Variants in PCDHA3 observed in about 807,000 individuals in gnomAD.
PCDHA3 encodes protocadherin alpha 3.
In PCDHA3, 41 loss-of-function variants were observed where a neutral mutation model predicts 62.2. The observed-to-expected ratio is 0.66, with a 90% CI of 0.51 to 0.86. The LOEUF is 0.86. PCDHA3 is among the 40% of genes least tolerant of loss of function. The probability of loss-of-function intolerance (pLI) is 0.00; values close to 1 mark genes in which losing one functional copy is unlikely to be tolerated. For missense variants in PCDHA3, 1,304 were observed against 1,241.2 expected, an observed-to-expected ratio of 1.05 and a Z score of -0.76; for synonymous variants, 640 against 555.4, an observed-to-expected ratio of 1.15 and a Z score of -2.14.
Position 140,930,862 on chromosome 5 carries a change from GGT to G in PCDHA3, c.2395-48086_2395-48085del, listed in dbSNP as rs1554208154. On this transcript the variant is annotated intron_variant, in intron 1 of 3. Coordinates refer to ENST00000522353, the MANE Select transcript of PCDHA3 (RefSeq NM_018906.3). Reference sequence around the variant, plus strand: ...AAATATGTGCATATATGAATTGGATGGTAACACTGTTCAACACAGAGGGAAAA... The same window carrying G: ...AAATATGTGCATATATGAATTGGATGAACACTGTTCAACACAGAGGGAAAA... 5.3e-3 allele frequency among the ~76,000 whole-genome samples: 803 copies of G among 152,226 alleles called. 3 individuals carry two copies. Among genetic ancestry groups the G allele is most frequent in the Non-Finnish European group, 8.4e-3 (568 of 67,990 alleles).
Position 140,857,571 on chromosome 5 carries a change from C to G in PCDHA3, c.2394+53980C>G, listed in dbSNP as rs782707848. 16 of 1,596,746 alleles carry G rather than the reference C, an allele frequency of 1.0e-5. 2 individuals are homozygous for G. Among genetic ancestry groups the G allele is most frequent in the East Asian group, 2.2e-5 (1 of 44,820 alleles). ...GAGCGCTCGCTGTCGAGCTACGTGT[C>G]GGTGCACGCGGAGAGCGGCAAGGTG... On this transcript the variant is annotated intron_variant, in intron 1 of 3. Transcript: ENST00000522353.
chr5:140,911,792 T>C (rs1429471693), intron 1 of PCDHA3, among the ~76,000 whole-genome samples: 1 of 152,190 alleles, frequency 6.6e-6, no homozygotes, highest in Non-Finnish European at 1.5e-5. Context: ...TTTTTGGGTC[T>C]AATCATATTA....
intron 1 of PCDHA3, chr5:140,806,858 A>G: frequency 3.1e-6 from 1 of 327,838 alleles, no homozygotes; most frequent in Non-Finnish European, 5.6e-6. Context: ...AATCAGTGGT[A>G]CAATGTGTAC....
chr5:140,980,724 T>G (rs2096903192), intron 2 of PCDHA3, among the ~76,000 whole-genome samples: 1 of 152,176 alleles, frequency 6.6e-6, no homozygotes, highest in Non-Finnish European at 1.5e-5. Flanking sequence ...GGGTTTCAAT[T>G]AAGATATTAT....
chr5:140,877,135 G>C, intron 1 of PCDHA3: 1 of 1,613,790 alleles, frequency 6.2e-7, no homozygotes, highest in Non-Finnish European at 8.5e-7. Flanking sequence ...GCAGGTGTTC[G>C]TGCTGGACGA....
Position 140,836,245 on chromosome 5 carries a change from C to G in PCDHA3, c.2394+32654C>G, listed in dbSNP as rs199869403. ...CCGGTGGCGGCCGGTGCGAGCATCCCGTTCCGCGTGGGGCTGTACACTGGT... is the reference window on the plus strand; with the variant it reads ...CCGGTGGCGGCCGGTGCGAGCATCCGGTTCCGCGTGGGGCTGTACACTGGT... On this transcript the variant is annotated intron_variant, in intron 1 of 3. Coordinates refer to ENST00000522353, the MANE Select transcript of PCDHA3 (RefSeq NM_018906.3). 11 of 1,613,768 alleles carry G rather than the reference C, an allele frequency of 6.8e-6. No individual in the cohort carries two copies. The Admixed American group carries it at 1.0e-4, about 15-fold the overall frequency.
intron 1 of PCDHA3, chr5:140,836,653 G>C (rs2150266924): frequency 6.2e-7 from 1 of 1,613,508 alleles, no homozygotes; most frequent in East Asian, 2.2e-5. Context: ...AGGCGGCAGA[G>C]GGTGTGCTCT....
intron 1 of PCDHA3, among the ~76,000 whole-genome samples, chr5:140,889,975 T>A (rs2062445806): frequency 6.6e-6 from 1 of 152,182 alleles, no homozygotes; most frequent in African/African-American, 2.4e-5. Flanking sequence ...CTATCCAGTC[T>A]CCAGTTGTCT....
At position 140,992,594 on chromosome 5, in the gene PCDHA3, G is replaced by T. The variant is rs782416770; in HGVS notation, c.2542+10031G>T. On this transcript the variant is annotated intron_variant, in intron 3 of 3. Coordinates refer to ENST00000522353, the MANE Select transcript of PCDHA3 (RefSeq NM_018906.3). ...ATTGCCTGCCTTGTATGCATCTAGC[G>T]TCTGTGTCTAAGTGAAAGCAGATTA... Among the ~76,000 whole-genome samples, 5 of 152,266 alleles carry T rather than the reference G, an allele frequency of 3.3e-5. No individual in the cohort carries two copies. The East Asian group carries it at 7.7e-4, about 24-fold the overall frequency.
intron 1 of PCDHA3, among the ~76,000 whole-genome samples, chr5:140,889,313 T>G (rs1554183863): frequency 6.6e-6 from 1 of 152,078 alleles, no homozygotes; most frequent in Non-Finnish European, 1.5e-5. Flanking sequence ...ACTGTTGAAG[T>G]TATCTGTATC....
At chr5:140,861,726 T>C (rs571512824) in intron 1 of PCDHA3, 11 of 216,910 alleles carry the variant, frequency 5.1e-5, no homozygotes, top group African/African-American at 2.6e-4. Flanking sequence ...AATGCTCTGA[T>C]GACTTACATA....
At chr5:140,834,215 T>A (rs1425160106) in intron 1 of PCDHA3, 2 of 654,798 alleles carry the variant, frequency 3.1e-6, no homozygotes, top group Non-Finnish European at 5.1e-6. Flanking sequence ...TCTTTCGTAA[T>A]CAGCAAAAGG....
At chr5:140,813,888 A>G (rs1342935380) in intron 1 of PCDHA3, 1 of 152,312 alleles carries the variant, frequency 6.6e-6, no homozygotes, top group Non-Finnish European at 1.5e-5. Context: ...AGTTCCAGCT[A>G]CTCAGGAGGC....
rs1320219732 is a variant in PCDHA3, at chr5:140,966,886, G to A, written c.2395-12063G>A. On this transcript the variant is annotated intron_variant, in intron 1 of 3. Coordinates refer to ENST00000522353, the MANE Select transcript of PCDHA3 (RefSeq NM_018906.3). Reference sequence around the variant, plus strand: ...TGCTGCTGCTGCTACCTGGCCCTGCGGCCTCCCAGCTGCGATACTCTGTGC... The same window carrying A: ...TGCTGCTGCTGCTACCTGGCCCTGCAGCCTCCCAGCTGCGATACTCTGTGC... The A allele has an allele frequency of 5.7e-6, 9 of 1,592,130 alleles. No individual in the cohort carries two copies. The Admixed American group carries it at 1.0e-4, about 18-fold the overall frequency.
intron 1 of PCDHA3, chr5:140,836,295 G>A: frequency 1.9e-6 from 3 of 1,613,804 alleles, no homozygotes; most frequent in South Asian, 2.2e-5. Flanking sequence ...ACGAGCCCTA[G>A]ATGAGACGGA....
intron 1 of PCDHA3, chr5:140,967,672 C>T: frequency 1.2e-6 from 2 of 1,614,182 alleles, no homozygotes; most frequent in Non-Finnish European, 8.5e-7. Context: ...ACACGTCGGA[C>T]CGGGAGAGGC....
chr5:140,966,906 C>A, intron 1 of PCDHA3: 1 of 1,600,938 alleles, frequency 6.2e-7, no homozygotes, highest in African/African-American at 1.3e-5. Flanking sequence ...CTGCGATACT[C>A]TGTGCCAGAG....
chr5:140,879,366 C>A (rs1363345702), intron 1 of PCDHA3, among the ~76,000 whole-genome samples: 1 of 152,156 alleles, frequency 6.6e-6, no homozygotes, highest in East Asian at 1.9e-4. Flanking sequence ...CATTAACCAA[C>A]CTGCAGAACA....
rs35184029 is a variant in PCDHA3 at position 140,997,668 on chromosome 5, T to TTGTG, written c.2543-11933_2543-11930dup. 2.7e-3 allele frequency among the ~76,000 whole-genome samples: 396 copies of TTGTG among 148,340 alleles called. 1 individual carries two copies. Among genetic ancestry groups the TTGTG allele is most frequent in the African/African-American group, 5.1e-3 (207 of 40,232 alleles). On this transcript the variant is annotated intron_variant, in intron 3 of 3. Transcript: ENST00000522353. ...AATGCAATATGTATTATTATACAGC[T>TTGTG]TGTGTGTGTGTGTGTGTGTGTGTGT...
Sources: allele counts gnomAD v4.1 joint callset (sites outside exome capture counted in the v4.1 genomes callset), GRCh38; gene constraint gnomAD v4.1.1; transcripts MANE v1.5; gene names NCBI Gene and HGNC (gene_info 2026-07-23, HGNC 2026-07-21).